The following GRIA4 variants were observed in gnomAD, a reference collection of about 807,000 sequenced individuals.
The protein encoded by GRIA4 is glutamate receptor 4.
Under a neutral mutation model 104.0 loss-of-function variants are expected in GRIA4, and 34 were observed. The observed-to-expected ratio is 0.33, with a 90% CI of 0.25 to 0.44. The LOEUF is 0.44. GRIA4 is among the 20% of genes least tolerant of loss of function. The pLI is 1.00. For synonymous variants in GRIA4, 386 were observed against 381.9 expected (o/e 1.01, Z -0.13); for missense variants, 750 against 1,096.5 (o/e 0.68, Z 4.46).
At chr11:105,941,917 T>C (rs1303772093) in intron 14 of GRIA4, among the ~76,000 whole-genome samples, 1 of 152,036 alleles carries the variant, frequency 6.6e-6, no homozygotes, top group African/African-American at 2.4e-5. Context: ...CAGGCCAAAA[T>C]CCTATTAGTA....
At chr11:105,838,086 C>T (rs1944260489) in intron 4 of GRIA4, among the ~76,000 whole-genome samples, 1 of 151,974 alleles carries the variant, frequency 6.6e-6, no homozygotes, top group South Asian at 2.1e-4. Flanking sequence ...GGTTACAATG[C>T]TCAATAAAAG....
At chr11:105,779,575 G>A (rs1941621546) in intron 4 of GRIA4, among the ~76,000 whole-genome samples, 1 of 151,640 alleles carries the variant, frequency 6.6e-6, no homozygotes, top group South Asian at 2.1e-4. Context: ...CATGGCACAT[G>A]TATACATATG....
chr11:105,670,424 G>A (rs1952322639), intron 3 of GRIA4, among the ~76,000 whole-genome samples: 1 of 152,092 alleles, frequency 6.6e-6, no homozygotes, highest in African/African-American at 2.4e-5. Flanking sequence ...TGTCATACCT[G>A]TTTTCCAGAT....
chr11:105,796,062 G>T (rs1942467238), intron 4 of GRIA4, among the ~76,000 whole-genome samples: 1 of 152,054 alleles, frequency 6.6e-6, no homozygotes, highest in African/African-American at 2.4e-5. Flanking sequence ...GTGACTTCTT[G>T]ATAACCTGTA....
At chr11:105,851,657 G>A (rs746040767) in intron 4 of GRIA4, among the ~76,000 whole-genome samples, 4 of 152,134 alleles carry the variant, frequency 2.6e-5, no homozygotes, top group Non-Finnish European at 5.9e-5. Flanking sequence ...ATTGCATTCC[G>A]TTAAAGGCAA....
intron 9 of GRIA4, 136 bp from the exon 10 acceptor site, chr11:105,910,294 CTTTTT>C: frequency 2.0e-6 from 1 of 490,310 alleles, no homozygotes; most frequent in Non-Finnish European, 3.7e-6. Context: ...CTTCTGAACA[CTTTTT>C]TTTTTTCTGT....
intron 3 of GRIA4, among the ~76,000 whole-genome samples, chr11:105,641,763 T>G (rs913617784): frequency 2.0e-5 from 3 of 152,176 alleles, no homozygotes; most frequent in African/African-American, 7.2e-5. Context: ...CCCAAAGCAG[T>G]GTTACTAGTA....
At chr11:105,726,674 T>C (rs1938232846) in intron 3 of GRIA4, among the ~76,000 whole-genome samples, 1 of 152,030 alleles carries the variant, frequency 6.6e-6, no homozygotes, top group Admixed American at 6.5e-5. Flanking sequence ...GAACGAAGCT[T>C]CCAGAGGAAG....
chr11:105,864,323 G>A (rs1015172575), intron 5 of GRIA4, among the ~76,000 whole-genome samples: 3 of 152,148 alleles, frequency 2.0e-5, no homozygotes, highest in Non-Finnish European at 2.9e-5. Context: ...TTCCACAAGA[G>A]CTAATCCATA....
chr11:105,894,140 G>A (rs1946555615), intron 6 of GRIA4, among the ~76,000 whole-genome samples: 1 of 152,154 alleles, frequency 6.6e-6, no homozygotes, highest in African/African-American at 2.4e-5. Context: ...AGGTTAGAAA[G>A]TAACAGATGT....
At chr11:105,834,712 CTTTTT>C (rs5794429) in intron 4 of GRIA4, among the ~76,000 whole-genome samples, 2 of 131,630 alleles carry the variant, frequency 1.5e-5, no homozygotes, top group Admixed American at 7.7e-5. Flanking sequence ...TACAAAAAGA[CTTTTT>C]TTTTTTTTTT....
At chr11:105,733,093 ACT>A (rs1403652635) in intron 3 of GRIA4, among the ~76,000 whole-genome samples, 1 of 152,048 alleles carries the variant, frequency 6.6e-6, no homozygotes, top group Non-Finnish European at 1.5e-5. Flanking sequence ...GCATATACAA[ACT>A]CTCTTTGTCA....
At chr11:105,627,284 G>T (rs532033680) in intron 3 of GRIA4, among the ~76,000 whole-genome samples, 4 of 152,248 alleles carry the variant, frequency 2.6e-5, no homozygotes, top group African/African-American at 9.6e-5. Context: ...GAATAGAGTA[G>T]GGGTAGGGGG....
At position 105,662,626 on chromosome 11, in the gene GRIA4, CTTCTTTACTCA is replaced by C. The variant is rs1473728716; in HGVS notation, c.247+50208_247+50218del. Among the ~76,000 whole-genome samples, 7 of 152,048 alleles carry C rather than the reference CTTCTTTACTCA, an allele frequency of 4.6e-5. No individual in the cohort carries two copies. In the South Asian group the frequency reaches 8.3e-4, roughly 18 times the overall value. On this transcript the variant is annotated intron_variant, in intron 3 of 16. Coordinates refer to ENST00000282499, the MANE Select transcript of GRIA4 (RefSeq NM_000829.4). ...AATTTTAGAGAGAAAAATGGTTTTA[CTTCTTTACTCA>C]TTCTTTACTCATTCTGAAGTGAAAC...
rs1947652160 is a variant in GRIA4 at position 105,924,425 on chromosome 11, G to A, written c.1503G>A (p.Leu501=). 6.2e-7 allele frequency: 1 copy of A among 1,602,186 alleles called. No homozygotes were observed. Among genetic ancestry groups the A allele is most frequent in the Non-Finnish European group, 8.5e-7 (1 of 1,171,460 alleles). ...YGKAEIAIAP[L]TITLVREEVI... is the part of the protein sequence containing the mutation. ...AAGCAGAGATTGCTATTGCCCCTCT[G>A]ACAATCACTTTGGTACGAGAGGAGG... Residue 501 remains leucine, a synonymous_variant, in exon 12 of 17, where the codon CTG becomes CTA. Coordinates refer to ENST00000282499, the MANE Select transcript of GRIA4 (RefSeq NM_000829.4).
At chr11:105,764,161 G>A (rs1433504411) in intron 4 of GRIA4, among the ~76,000 whole-genome samples, 3 of 151,670 alleles carry the variant, frequency 2.0e-5, no homozygotes, top group East Asian at 1.9e-4. Context: ...TTTTTGAGAC[G>A]GAGTCTCACT....
chr11:105,811,430 A>G (rs958967531), intron 4 of GRIA4, among the ~76,000 whole-genome samples: 1 of 152,138 alleles, frequency 6.6e-6, no homozygotes, highest in Non-Finnish European at 1.5e-5. Flanking sequence ...CAAATGTCAC[A>G]TCCCCAGAGG....
intron 14 of GRIA4, chr11:105,945,542 A>G: frequency 8.9e-6 from 6 of 672,342 alleles, no homozygotes; most frequent in Non-Finnish European, 1.1e-5. Flanking sequence ...GCTTCCATCC[A>G]TTTGAAGGAA....
intron 11 of GRIA4, among the ~76,000 whole-genome samples, chr11:105,920,086 T>G (rs1947517689): frequency 6.6e-6 from 1 of 152,120 alleles, no homozygotes; most frequent in Admixed American, 6.6e-5. Context: ...GAACATTCTT[T>G]GTACAGTACA....
Sources: gnomAD v4.1 joint callset for allele counts (sites outside exome capture counted in the v4.1 genomes callset) on GRCh38, gnomAD v4.1.1 for gene constraint, MANE v1.5 for transcripts, NCBI Gene and HGNC (gene_info 2026-07-23, HGNC 2026-07-21) for gene names.